The following ZBTB45 variants were observed in gnomAD, a reference collection of about 807,000 sequenced individuals.
The protein encoded by ZBTB45 is zinc finger and BTB domain-containing protein 45.
ZBTB45 carries 22 observed loss-of-function variants against 28.4 expected under a neutral mutation model. The observed-to-expected ratio is 0.77, with a 90% CI of 0.55 to 1.10. ZBTB45 has a LOEUF of 1.10. Ranked by LOEUF, ZBTB45 falls within the 50% of genes least tolerant of loss-of-function variation. ZBTB45 has a pLI of 0.00. For synonymous variants in ZBTB45, 361 were observed against 332.3 expected, an observed-to-expected ratio of 1.09 and a Z score of -0.94; for missense variants, 656 against 750.2, an observed-to-expected ratio of 0.87 and a Z score of 1.47.
At position 58,516,871 on chromosome 19, in the gene ZBTB45, G is replaced by C; in HGVS notation, c.803C>G (p.Ala268Gly). Residue 268 changes from alanine (A) to glycine (G), a missense_variant, in exon 2 of 3, where the codon GCC becomes GGC. Ala to Gly is a moderately conservative substitution (Grantham distance 60). Coordinates refer to ENST00000594051, the MANE Select transcript of ZBTB45 (RefSeq NM_001316979.2). This position sits in a 1 kb window ranked among gnomAD's most constrained non-coding sequence, Gnocchi z 6.2. The stretch of plus-strand genomic sequence containing the variant: ...AGCTCCCCGAAGAAAATCTCTCCCG[G>C]CACCACTGTAGTCAGCGAGGCCAGT... ...APTGLADYSG[A>G]GRDFLRGAGS... 6.2e-7 allele frequency: 1 copy of C among 1,613,406 alleles called. No homozygotes were observed. The highest frequency in any genetic ancestry group is 8.5e-7 in the Non-Finnish European group (1 of 1,180,018).
chr19:58,516,457 C>G lies in ZBTB45; in HGVS notation c.1217G>C (p.Ser406Thr), dbSNP rs774305157. The G allele has an allele frequency of 1.2e-6, 2 of 1,613,886 alleles. No homozygotes were observed. Among genetic ancestry groups the G allele is most frequent in the African/African-American group, 2.7e-5 (2 of 74,918 alleles). ...PGAEPPTYECSHCRKTFSSRK... is the reference protein window; with the variant it reads ...PGAEPPTYECTHCRKTFSSRK... Reference sequence around the variant, plus strand: ...GGAGCTGAACGTCTTGCGACAGTGGCTGCACTCATACGTAGGTGGCTCAGC... The same window carrying G: ...GGAGCTGAACGTCTTGCGACAGTGGGTGCACTCATACGTAGGTGGCTCAGC... The change falls in exon 2 of 3, where the codon AGC becomes ACC. Residue 406 changes from serine (S) to threonine (T), a missense_variant. Physicochemically the swap from Ser to Thr is moderately conservative, Grantham distance 58 (BLOSUM62 1). This residue lies in a region of ZBTB45 where 448 missense variants were observed against 444.3 expected (regional missense o/e 1.01). Transcript: ENST00000594051. This position sits in a 1 kb window ranked among gnomAD's most constrained non-coding sequence, Gnocchi z 6.2.
chr19:58,522,734 T>C (rs1299021237), upstream of ZBTB45, among the ~76,000 whole-genome samples: 1 of 152,182 alleles, frequency 6.6e-6, no homozygotes, highest in Non-Finnish European at 1.5e-5. Flanking sequence ...CTGGGTCTGC[T>C]TTCACTGGGC....
chr19:58,532,184 A>G (rs937878476), intron 1 of ZBTB45, among the ~76,000 whole-genome samples: 9 of 152,210 alleles, frequency 5.9e-5, no homozygotes, highest in Non-Finnish European at 1.0e-4. Flanking sequence ...ATGTTTTCCC[A>G]TCTGTGAAAT....
upstream of ZBTB45, among the ~76,000 whole-genome samples, chr19:58,523,093 T>G (rs1336082731): frequency 6.6e-6 from 1 of 151,880 alleles, no homozygotes; most frequent in Non-Finnish European, 1.5e-5. Flanking sequence ...GCCTGGAGGA[T>G]TAGGGCAAGA....
chr19:58,524,431 A>ATGTGTG (rs1491458297), upstream of ZBTB45, among the ~76,000 whole-genome samples: 1 of 95,008 alleles, frequency 1.1e-5, no homozygotes, highest in African/African-American at 6.0e-5. Flanking sequence ...GTGTGTGTTC[A>ATGTGTG]TATATGTGTG....
Position 58,514,009 on chromosome 19 carries a change from G to A in ZBTB45, c.*45C>T, listed in dbSNP as rs2053451244. On this transcript the variant is annotated 3_prime_UTR_variant, in exon 3 of 3. Transcript: ENST00000594051. ...CCGCAGCGGGCGTGGCCGACTGTGC[G>A]GGAGGCCCCGGATCCACCGTGGGCG... The A allele has an allele frequency of 3.7e-6, 5 of 1,367,980 alleles. No homozygotes were observed. In the African/African-American group the frequency reaches 4.6e-5, roughly 13 times the overall value. The allele number at this position is 1,367,980 out of a possible 1,614,324, so 84.7% of individuals were successfully genotyped here.
chr19:58,521,431 C>G (rs1015536889), upstream of ZBTB45, among the ~76,000 whole-genome samples: 5 of 150,948 alleles, frequency 3.3e-5, no homozygotes, highest in Non-Finnish European at 7.4e-5. Context: ...GTGCGTGGAG[C>G]TAGATTCCGC....
Position 58,516,511 on chromosome 19 carries a change from G to T in ZBTB45, c.1163C>A (p.Pro388His). The change falls in exon 2 of 3, where the codon CCC becomes CAC. Residue 388 changes from proline to histidine, a missense_variant. Pro to His is a moderately conservative substitution (Grantham distance 77). Transcript: ENST00000594051. The surrounding 1 kb of genome is among the most constrained non-coding windows in gnomAD (Gnocchi z 6.2). Reference protein sequence around the residue: ...PAPSAAPTTAPSGTPARTPGA... With the variant: ...PAPSAAPTTAHSGTPARTPGA... ...TGGGGTGCGAGCAGGGGTGCCTGAG[G>T]GGGCCGTGGTGGGAGCAGCAGAGGG... 2.5e-6 allele frequency: 4 copies of T among 1,613,550 alleles called. No individual in the cohort carries two copies. Among genetic ancestry groups the T allele is most frequent in the Non-Finnish European group, 3.4e-6 (4 of 1,179,726 alleles).
chr19:58,519,266 G>C (rs1177628183), intron 1 of ZBTB45: 1 of 152,260 alleles, frequency 6.6e-6, no homozygotes, highest in Admixed American at 6.5e-5. Context: ...TATTCACCTA[G>C]CACCTGAAAG....
intron 1 of ZBTB45, among the ~76,000 whole-genome samples, chr19:58,537,087 T>G (rs1397456017): frequency 3.9e-5 from 6 of 152,058 alleles, no homozygotes; most frequent in Non-Finnish European, 1.5e-5. Context: ...AGGTCCCTAG[T>G]CTTACTCTCC....
upstream of ZBTB45, among the ~76,000 whole-genome samples, chr19:58,522,487 T>G (rs2053584050): frequency 6.6e-6 from 1 of 151,888 alleles, no homozygotes; most frequent in South Asian, 2.1e-4. Context: ...TACAAAACAT[T>G]AGCTGGGCGT....
At chr19:58,530,209 GCACACACA>G (rs111340524) in intron 1 of ZBTB45, among the ~76,000 whole-genome samples, 11 of 148,508 alleles carry the variant, frequency 7.4e-5, no homozygotes, top group Non-Finnish European at 1.5e-4. Context: ...GAGAGCGCAT[GCACACACA>G]CACACACACA....
At chr19:58,528,900 T>A (rs1044224129) in intron 1 of ZBTB45, among the ~76,000 whole-genome samples, 1 of 148,394 alleles carries the variant, frequency 6.7e-6, no homozygotes, top group Non-Finnish European at 1.5e-5. Context: ...TCTCAAAAAA[T>A]AATAATAATA....
intron 1 of ZBTB45, among the ~76,000 whole-genome samples, chr19:58,528,085 G>T (rs1180834017): frequency 6.6e-6 from 1 of 152,190 alleles, no homozygotes; most frequent in Admixed American, 6.6e-5. Flanking sequence ...CTCAGGCCCA[G>T]TCCCAAGATG....
chr19:58,513,976 C>G lies in ZBTB45; in HGVS notation c.*78G>C. 7.4e-7 allele frequency: 1 copy of G among 1,347,140 alleles called. No individual in the cohort carries two copies. Among genetic ancestry groups the G allele is most frequent in the East Asian group, 3.0e-5 (1 of 33,218 alleles). The allele number at this position is 1,347,140 out of a possible 1,614,324, so 83.4% of individuals were successfully genotyped here. On this transcript the variant is annotated 3_prime_UTR_variant, in exon 3 of 3. Coordinates refer to ENST00000594051, the MANE Select transcript of ZBTB45 (RefSeq NM_001316979.2). ...GGGAGCGTGGTCTAGTGGCGGGAACCACGGGTCCCGCAGCGGGCGTGGCCG... is the reference window on the plus strand; with the variant it reads ...GGGAGCGTGGTCTAGTGGCGGGAACGACGGGTCCCGCAGCGGGCGTGGCCG...
intron 1 of ZBTB45, among the ~76,000 whole-genome samples, chr19:58,527,787 G>A (rs2053615525): frequency 1.3e-5 from 2 of 152,148 alleles, no homozygotes; most frequent in East Asian, 1.9e-4. Context: ...TCTTTACAAG[G>A]GCTGCTCTCC....
intron 2 of ZBTB45, 62 bp from the exon 3 acceptor site, chr19:58,514,372 C>T (rs2053461133): frequency 7.5e-7 from 1 of 1,328,434 alleles, no homozygotes; most frequent in South Asian, 1.4e-5. Context: ...GCCCCCACCC[C>T]ACCCCACCCC....
rs1456078167 is a variant in ZBTB45, at chr19:58,514,132, C to A, written c.1458G>T (p.Ala486=). The change falls in exon 3 of 3, where the codon GCG becomes GCT. Residue 486 remains alanine, a synonymous_variant. Transcript: ENST00000594051. ...AGACCTTGCCGCAGGCGGGGCAGGG[C>A]GCGCGCTCGGGCCGGTGAGTGCGCA... is the stretch of plus-strand genomic sequence containing the variant. ...VHMRTHRPER[A]PCPACGKVFS... is the part of the protein sequence containing the mutation. 2 of 1,601,482 alleles carry A rather than the reference C, an allele frequency of 1.2e-6. No individual in the cohort carries two copies. The highest frequency in any genetic ancestry group is 1.9e-4 in the Middle Eastern group (1 of 5,302).
intron 1 of ZBTB45, among the ~76,000 whole-genome samples, chr19:58,538,194 CTT>C (rs954140596): frequency 6.8e-6 from 1 of 148,104 alleles, no homozygotes; most frequent in Non-Finnish European, 1.5e-5. Context: ...CCAGCACCAA[CTT>C]TTTTTTTTTC....
Sources: allele counts gnomAD v4.1 joint callset (sites outside exome capture counted in the v4.1 genomes callset), GRCh38; gene constraint gnomAD v4.1.1; regional missense constraint gnomAD v4.1.1; non-coding constraint Gnocchi (gnomAD v3.1); transcripts MANE v1.5; gene names NCBI Gene and HGNC (gene_info 2026-07-23, HGNC 2026-07-21).